CCDC85A: variants seen among roughly 807,000 people sequenced by gnomAD.
CCDC85A encodes coiled-coil domain-containing protein 85A.
CCDC85A carries 38 observed loss-of-function variants against 50.2 expected under a neutral mutation model. The observed-to-expected ratio is 0.76, with a 90% CI of 0.58 to 0.99. CCDC85A has a LOEUF of 0.99. Among genes scored for constraint, CCDC85A ranks in the 50% least tolerant of loss-of-function variants. CCDC85A has a pLI of 0.00. For synonymous variants in CCDC85A, 366 were observed against 301.4 expected, an observed-to-expected ratio of 1.21 and a Z score of -2.22; for missense variants, 820 against 742.0, an observed-to-expected ratio of 1.11 and a Z score of -1.22.
At chr2:56,304,232 T>G (rs1326707879) in intron 2 of CCDC85A, among the ~76,000 whole-genome samples, 1 of 152,190 alleles carries the variant, frequency 6.6e-6, no homozygotes, top group East Asian at 1.9e-4. Flanking sequence ...GTAGTTTTAA[T>G]TGGATATAGC....
Position 56,189,297 on chromosome 2 carries a change from G to GTTTTTTTTTTTTTTTTTTTTTTTTT in CCDC85A, c.277-3165_277-3164insTTTTTTTTTTTTTTTTTTTTTTTTT, listed in dbSNP as rs70955011. ...AAAACATGCACGGGGTATTTTTGGT[G>GTTTTTTTTTTTTTTTTTTTTTTTTT]TTTTTTTTTTTTTTTGAGACAAGGT... On this transcript the variant is annotated intron_variant, in intron 1 of 5. Transcript: ENST00000407595. Among the ~76,000 whole-genome samples the GTTTTTTTTTTTTTTTTTTTTTTTTT allele has an allele frequency of 7.0e-4, 85 of 121,934 alleles. 8 individuals carry two copies. The highest frequency in any genetic ancestry group is 2.7e-3 in the African/African-American group (80 of 29,206). The allele number at this position is 121,934 out of a possible 152,430, so 80.0% of individuals were successfully genotyped here. A position where few individuals can be genotyped will look rare whatever the true frequency, so the allele number is the denominator to read the frequency against.
At chr2:56,263,611 A>G (rs1670311848) in intron 2 of CCDC85A, among the ~76,000 whole-genome samples, 2 of 152,096 alleles carry the variant, frequency 1.3e-5, no homozygotes, top group Non-Finnish European at 2.9e-5. Context: ...TGTGTTCTTG[A>G]GAGTCTGTGT....
intron 2 of CCDC85A, among the ~76,000 whole-genome samples, chr2:56,259,984 C>T (rs1266153557): frequency 2.6e-5 from 4 of 152,138 alleles, no homozygotes; most frequent in Non-Finnish European, 4.4e-5. Context: ...CATTGGCTAT[C>T]CTGCTAAAGT....
intron 3 of CCDC85A, among the ~76,000 whole-genome samples, chr2:56,360,347 G>C (rs11695012): frequency 0.08 from 12,182 of 152,230 alleles, 644 homozygotes; most frequent in Non-Finnish European, 0.11. Context: ...TTGAGGACAA[G>C]TGACTTGCTG....
intron 2 of CCDC85A, among the ~76,000 whole-genome samples, chr2:56,295,897 G>A (rs1462785682): frequency 6.6e-6 from 1 of 152,208 alleles, no homozygotes; most frequent in Non-Finnish European, 1.5e-5. Flanking sequence ...CTGCGTGCCT[G>A]AGGACTTCTG....
intron 2 of CCDC85A, among the ~76,000 whole-genome samples, chr2:56,196,655 C>T (rs1676532184): frequency 6.6e-6 from 1 of 152,108 alleles, no homozygotes; most frequent in African/African-American, 2.4e-5. Context: ...GATTTAGGCT[C>T]TTCTAGCAAT....
At chr2:56,302,075 G>A (rs1267163355) in intron 2 of CCDC85A, among the ~76,000 whole-genome samples, 3 of 151,972 alleles carry the variant, frequency 2.0e-5, no homozygotes, top group African/African-American at 7.3e-5. Flanking sequence ...GGCCAACAAG[G>A]TGAAATCCCA....
chr2:56,273,030 A>G (rs546372359), intron 2 of CCDC85A, among the ~76,000 whole-genome samples: 172 of 152,330 alleles, frequency 1.1e-3, no homozygotes, highest in African/African-American at 4.1e-3. Context: ...ACATTTGTGG[A>G]ATAAGAACAG....
At chr2:56,283,795 T>C (rs572468718) in intron 2 of CCDC85A, among the ~76,000 whole-genome samples, 1 of 152,300 alleles carries the variant, frequency 6.6e-6, no homozygotes, top group South Asian at 2.1e-4. Context: ...TGATAGTAGT[T>C]TGTCAATTTC....
chr2:56,228,045 G>C (rs1668615006), intron 2 of CCDC85A, among the ~76,000 whole-genome samples: 1 of 152,090 alleles, frequency 6.6e-6, no homozygotes, highest in Non-Finnish European at 1.5e-5. Context: ...TTTTTCCAAG[G>C]CCATAGCACA....
chr2:56,197,970 A>G (rs1377960014), intron 2 of CCDC85A, among the ~76,000 whole-genome samples: 1 of 152,234 alleles, frequency 6.6e-6, no homozygotes, highest in East Asian at 1.9e-4. Flanking sequence ...TGACGCCTGC[A>G]CTGCCGGCAA....
chr2:56,267,594 A>G (rs534825137), intron 2 of CCDC85A, among the ~76,000 whole-genome samples: 1 of 152,314 alleles, frequency 6.6e-6, no homozygotes, highest in Non-Finnish European at 1.5e-5. Context: ...GCTGGCATCC[A>G]CAGTGAGCCC....
chr2:56,365,968 CTT>C (rs112551673), intron 3 of CCDC85A, among the ~76,000 whole-genome samples: 1 of 151,452 alleles, frequency 6.6e-6, no homozygotes, highest in Non-Finnish European at 1.5e-5. Context: ...TAGAAATAAA[CTT>C]TTTTTTTAAG....
rs545126468 is a variant in CCDC85A at position 56,293,682 on chromosome 2, C to T, written c.1241-49197C>T. ...CACTTCTCAAAAGAAGACATATATG[C>T]AACCAACAAACACATGAAAAAAAGC... On this transcript the variant is annotated intron_variant, in intron 2 of 5. Transcript: ENST00000407595. Among the ~76,000 whole-genome samples, 3 of 152,198 alleles carry T rather than the reference C, an allele frequency of 2.0e-5. No individual in the cohort carries two copies. The South Asian group carries it at 6.2e-4, about 32-fold the overall frequency.
At chr2:56,253,472 G>C (rs1669857427) in intron 2 of CCDC85A, among the ~76,000 whole-genome samples, 2 of 152,118 alleles carry the variant, frequency 1.3e-5, no homozygotes, top group Non-Finnish European at 2.9e-5. Flanking sequence ...TACAGTATGT[G>C]GTAGGGTCTC....
In CCDC85A at chr2:56,192,564, G is replaced by A. The variant is rs576053007; in HGVS notation, c.364G>A (p.Val122Met). The A allele has an allele frequency of 1.2e-6, 2 of 1,613,970 alleles. No individual in the cohort carries two copies. Among genetic ancestry groups the A allele is most frequent in the Admixed American group, 3.3e-5 (2 of 60,008 alleles). ...TGATGACCGGCAGAAAGGCAAGAGG[G>A]TGTCTCGGGAGTGGCAGAGACTGGG... ...LDDDRQKGKR[V>M]SREWQRLGRY... is the part of the protein sequence containing the mutation. Residue 122 changes from valine to methionine, a missense_variant, in exon 2 of 6, where the codon GTG becomes ATG. By Grantham distance (21) the Val-to-Met change is conservative (BLOSUM62 1). Coordinates refer to ENST00000407595, the MANE Select transcript of CCDC85A (RefSeq NM_001080433.2). The surrounding 1 kb of genome is among the most constrained non-coding windows in gnomAD (Gnocchi z 4.7).
chr2:56,242,213 A>G (rs751983508), intron 2 of CCDC85A, among the ~76,000 whole-genome samples: 8 of 152,044 alleles, frequency 5.3e-5, no homozygotes, highest in Non-Finnish European at 1.0e-4. Context: ...TGAGCTCCTT[A>G]TATAGTCTTG....
chr2:56,184,766 A>G lies in CCDC85A; in HGVS notation c.142A>G (p.Ser48Gly). The G allele has an allele frequency of 6.5e-7, 1 of 1,546,062 alleles. No homozygotes were observed. Among genetic ancestry groups the G allele is most frequent in the Non-Finnish European group, 8.7e-7 (1 of 1,145,922 alleles). ...GTCGGACGAGGAGCTGCTGCAGTGG[A>G]GCAAGGAGGAGCTGATCCGCAGCCT... The part of the protein sequence containing the change: ...KVSDEELLQW[S>G]KEELIRSLRR... The change falls in exon 1 of 6, where the codon AGC becomes GGC. Residue 48 changes from serine to glycine, a missense_variant. Physicochemically the swap from Ser to Gly is moderately conservative, Grantham distance 56. Coordinates refer to ENST00000407595, the MANE Select transcript of CCDC85A (RefSeq NM_001080433.2).
chr2:56,299,982 A>G (rs928494954), intron 2 of CCDC85A, among the ~76,000 whole-genome samples: 3 of 152,186 alleles, frequency 2.0e-5, no homozygotes, highest in Non-Finnish European at 4.4e-5. Flanking sequence ...TAGAAAAAGG[A>G]GAAAGAATTG....
Sources: allele counts gnomAD v4.1 joint callset (sites outside exome capture counted in the v4.1 genomes callset), GRCh38; gene constraint gnomAD v4.1.1; non-coding constraint Gnocchi (gnomAD v3.1); transcripts MANE v1.5; gene names NCBI Gene and HGNC (gene_info 2026-07-23, HGNC 2026-07-21).